ZSCAN21: variants seen among roughly 807,000 people sequenced by gnomAD.
ZSCAN21 encodes the protein zinc finger and SCAN domain containing 21.
In ZSCAN21, 26 loss-of-function variants were observed where a neutral mutation model predicts 35.6. The observed-to-expected ratio is 0.73, with a 90% CI of 0.54 to 1.01. The LOEUF (loss-of-function observed/expected upper bound fraction) is 1.01. Ranked by LOEUF, ZSCAN21 falls within the 50% of genes least tolerant of loss-of-function variation. The pLI, the probability that ZSCAN21 is intolerant of heterozygous loss-of-function variation, is 0.00. For missense variants in ZSCAN21, 593 were observed against 587.1 expected (o/e 1.01, Z -0.10); for synonymous variants, 219 against 219.3 (o/e 1.00, Z 0.01).
chr7:100,050,097 C>T (rs1045118901), intron 1 of ZSCAN21, among the ~76,000 whole-genome samples: 1 of 152,186 alleles, frequency 6.6e-6, no homozygotes, highest in Non-Finnish European at 1.5e-5. Flanking sequence ...TTTGGAAGTT[C>T]TTTCGCGTTC....
At chr7:100,063,661 T>C (rs73158423) in intron 3 of ZSCAN21, 127 bp from the exon 4 acceptor site, 21 of 809,814 alleles carry the variant, frequency 2.6e-5, no homozygotes, top group Non-Finnish European at 4.1e-5. Context: ...CTATGCGCTA[T>C]CATGAGCTCT....
In ZSCAN21 at chr7:100,059,950, C is replaced by T. The variant is rs527625736; in HGVS notation, c.592+2060C>T. Among the ~76,000 whole-genome samples, 5 of 152,266 alleles carry T rather than the reference C, an allele frequency of 3.3e-5. 1 individual carries two copies. Among genetic ancestry groups the T allele is most frequent in the South Asian group, 4.1e-4 (2 of 4,832 alleles). ...GTCTCGAACTCCTGACCTCATGATC[C>T]GCCCTCCTCGGCCTCCCAAAGTGCT... On this transcript the variant is annotated intron_variant, in intron 3 of 3. Transcript: ENST00000292450.
In ZSCAN21 at chr7:100,063,847, G is replaced by C. The variant is rs1388499619; in HGVS notation, c.652G>C (p.Glu218Gln). The change falls in exon 4 of 4, where the codon GAG (glutamate) becomes CAG (glutamine). Residue 218 changes from glutamate (E) to glutamine (Q), a missense_variant. Physicochemically the swap from Glu to Gln is conservative, Grantham distance 29. Coordinates refer to ENST00000292450, the MANE Select transcript of ZSCAN21 (RefSeq NM_145914.3). ...SADEQKGSEA[E>Q]GLKGDIISVI... ...AGATGAGCAGAAAGGTTCTGAAGCA[G>C]AGGGGCTCAAAGGGGATATAATTTC... 6.2e-7 allele frequency: 1 copy of C among 1,614,048 alleles called. No homozygotes were observed.
chr7:100,064,720 G>A lies in ZSCAN21; in HGVS notation c.*103G>A, dbSNP rs1335252417. On this transcript the variant is annotated 3_prime_UTR_variant, in exon 4 of 4. Coordinates refer to ENST00000292450, the MANE Select transcript of ZSCAN21 (RefSeq NM_145914.3). ...AGCATCGATTCCGGTGATAGAGTTT[G>A]TATCACTCAACATCAGGGGATGCCT... The A allele has an allele frequency of 6.2e-7, 1 of 1,611,702 alleles. No individual in the cohort carries two copies. The highest frequency in any genetic ancestry group is 1.7e-4 in the Middle Eastern group (1 of 6,034).
At chr7:100,050,902 A>G (rs1215016323) in intron 1 of ZSCAN21, among the ~76,000 whole-genome samples, 1 of 150,416 alleles carries the variant, frequency 6.6e-6, no homozygotes, top group Non-Finnish European at 1.5e-5. Flanking sequence ...CAGGTTAAAG[A>G]ATTTGTGTGG....
chr7:100,064,484 A>T lies in ZSCAN21; in HGVS notation c.1289A>T (p.Asn430Ile), dbSNP rs781748674. ...GGGAAAGCCTTCAACCACAGCTCCA[A>T]CTTCAATAAACACCACAGAATCCAC... ...ECGKAFNHSSNFNKHHRIHTG... is the reference protein window; with the variant it reads ...ECGKAFNHSSIFNKHHRIHTG... Residue 430 changes from asparagine to isoleucine, a missense_variant, in exon 4 of 4, where the codon AAC becomes ATC. Coordinates refer to ENST00000292450, the MANE Select transcript of ZSCAN21 (RefSeq NM_145914.3). 2 of 1,614,068 alleles carry T rather than the reference A, an allele frequency of 1.2e-6. No individual in the cohort carries two copies. The highest frequency in any genetic ancestry group is 2.2e-5 in the South Asian group (2 of 91,074).
chr7:100,053,125 CAAAA>C (rs1026582023), intron 1 of ZSCAN21, among the ~76,000 whole-genome samples: 4 of 75,754 alleles, frequency 5.3e-5, no homozygotes, highest in Non-Finnish European at 8.2e-5. Context: ...GACTCCATCT[CAAAA>C]AAAAAAAAAA....
At chr7:100,056,444 A>C in intron 1 of ZSCAN21, among the ~76,000 whole-genome samples, 1 of 151,754 alleles carries the variant, frequency 6.6e-6, no homozygotes. Context: ...TCAAAGTAGG[A>C]TATCCTGAGC....
chr7:100,055,708 T>G (rs957087765), intron 1 of ZSCAN21, among the ~76,000 whole-genome samples: 2 of 150,692 alleles, frequency 1.3e-5, no homozygotes, highest in Non-Finnish European at 2.9e-5. Context: ...TGGCGCGATC[T>G]CTGTTCACTG....
At chr7:100,054,887 T>G (rs1281733826) in intron 1 of ZSCAN21, among the ~76,000 whole-genome samples, 1 of 148,070 alleles carries the variant, frequency 6.8e-6, no homozygotes, top group East Asian at 2.0e-4. Flanking sequence ...ATTTCATAAC[T>G]ATGAACCGTG....
rs557011819 is a variant in ZSCAN21, at chr7:100,064,257, C to T, written c.1062C>T (p.His354=). The change falls in exon 4 of 4, where the codon CAC becomes CAT. Residue 354 remains histidine, a synonymous_variant. Coordinates refer to ENST00000292450, the MANE Select transcript of ZSCAN21 (RefSeq NM_145914.3). The part of the protein sequence containing the change: ...SSDLLKHQRM[H]TEEAPYQCKD... ...ACCTTCTTAAACATCAGAGAATGCACACAGAAGAGGCGCCATATCAGTGCA... is the reference window on the plus strand; with the variant it reads ...ACCTTCTTAAACATCAGAGAATGCATACAGAAGAGGCGCCATATCAGTGCA... The T allele has an allele frequency of 5.0e-6, 8 of 1,614,122 alleles. No homozygotes were observed. In the South Asian group the frequency reaches 7.7e-5, roughly 16 times the overall value.
intron 1 of ZSCAN21, among the ~76,000 whole-genome samples, chr7:100,053,546 A>ATAAT (rs755978112): frequency 1.3e-3 from 107 of 79,520 alleles, no homozygotes; most frequent in African/African-American, 5.5e-3. Flanking sequence ...TACATACATA[A>ATAAT]TTTTTTTTTT....
Position 100,064,183 on chromosome 7 carries a change from G to C in ZSCAN21, c.988G>C (p.Asp330His). The C allele has an allele frequency of 6.2e-7, 1 of 1,614,102 alleles. No individual in the cohort carries two copies. Among genetic ancestry groups the C allele is most frequent in the Non-Finnish European group, 8.5e-7 (1 of 1,180,024 alleles). The change falls in exon 4 of 4, where the codon GAC becomes CAC. Residue 330 changes from aspartate to histidine, a missense_variant. Coordinates refer to ENST00000292450, the MANE Select transcript of ZSCAN21 (RefSeq NM_145914.3). ...CCTCCACTACAGAACACACTTGGTG[G>C]ACCGGCCCTATGACTGTAAGTGTGG... ...LTLHYRTHLV[D>H]RPYDCKCGKA...
chr7:100,055,468 T>C (rs1475790657), intron 1 of ZSCAN21, among the ~76,000 whole-genome samples: 1 of 152,042 alleles, frequency 6.6e-6, no homozygotes. Context: ...GATTTCACCA[T>C]GTTGGCCAGG....
In ZSCAN21 at chr7:100,064,430, G is replaced by T. The variant is rs1309296445; in HGVS notation, c.1235G>T (p.Gly412Val). 1 of 1,614,070 alleles carries T rather than the reference G, an allele frequency of 6.2e-7. No individual in the cohort carries two copies. Among genetic ancestry groups the T allele is most frequent in the Admixed American group, 1.7e-5 (1 of 60,000 alleles). Residue 412 changes from glycine (G) to valine (V), a missense_variant, in exon 4 of 4, where the codon GGA becomes GTA. Coordinates refer to ENST00000292450, the MANE Select transcript of ZSCAN21 (RefSeq NM_145914.3). Reference sequence around the variant, plus strand: ...AGCTCCCACCAGAGACTCCACACCGGAGAGAAGCCATATAAGTGTAAGGAG... The same window carrying T: ...AGCTCCCACCAGAGACTCCACACCGTAGAGAAGCCATATAAGTGTAAGGAG... ...GLSSHQRLHTGEKPYKCKECG... is the reference protein window; with the variant it reads ...GLSSHQRLHTVEKPYKCKECG...
chr7:100,065,037 G>A lies in ZSCAN21; in HGVS notation c.*420G>A. 8.2e-7 allele frequency: 1 copy of A among 1,221,082 alleles called. No homozygotes were observed. Among genetic ancestry groups the A allele is most frequent in the Non-Finnish European group, 1.1e-6 (1 of 870,740 alleles). The allele number at this position is 1,221,082 out of a possible 1,614,324, so 75.6% of individuals were successfully genotyped here. A position where few individuals can be genotyped will look rare whatever the true frequency, so the allele number is the denominator to read the frequency against. ...ATTCAGAATAAACTTATAACATCTTGTAATGCCTCAGGACTATTATTATAA... is the reference window on the plus strand; with the variant it reads ...ATTCAGAATAAACTTATAACATCTTATAATGCCTCAGGACTATTATTATAA... On this transcript the variant is annotated 3_prime_UTR_variant, in exon 4 of 4. Coordinates refer to ENST00000292450, the MANE Select transcript of ZSCAN21 (RefSeq NM_145914.3).
intron 2 of ZSCAN21, 116 bp from the exon 3 acceptor site, chr7:100,057,582 G>A (rs760470888): frequency 7.5e-7 from 1 of 1,334,168 alleles, no homozygotes; most frequent in Non-Finnish European, 1.0e-6. Flanking sequence ...GGAATGGAAT[G>A]GGATGGGTGT....
At chr7:100,052,613 G>A (rs1291623840) in intron 1 of ZSCAN21, among the ~76,000 whole-genome samples, 1 of 152,034 alleles carries the variant, frequency 6.6e-6, no homozygotes, top group Non-Finnish European at 1.5e-5. Context: ...GGACATCCAG[G>A]TGGTAATGGC....
At chr7:100,060,018 T>TA (rs1247390699) in intron 3 of ZSCAN21, among the ~76,000 whole-genome samples, 1 of 152,152 alleles carries the variant, frequency 6.6e-6, no homozygotes, top group Non-Finnish European at 1.5e-5. Flanking sequence ...AAGAAACTGT[T>TA]AATAAAAACA....
Sources: allele counts gnomAD v4.1 joint callset (sites outside exome capture counted in the v4.1 genomes callset), GRCh38; gene constraint gnomAD v4.1.1; transcripts MANE v1.5; gene names NCBI Gene and HGNC (gene_info 2026-07-23, HGNC 2026-07-21).